Variants in STK17A observed in about 807,000 individuals in gnomAD.
The protein encoded by STK17A is serine/threonine kinase 17a.
Under a neutral mutation model 43.7 loss-of-function variants are expected in STK17A, and 26 were observed. The observed-to-expected ratio is 0.60, with a 90% CI of 0.44 to 0.83. The LOEUF is 0.83. Ranked by LOEUF, STK17A falls within the 40% of genes least tolerant of loss-of-function variation. The pLI, the probability that STK17A is intolerant of heterozygous loss-of-function variation, is 0.00. For synonymous variants in STK17A, 191 were observed against 182.5 expected (o/e 1.05, Z -0.38); for missense variants, 476 against 511.6 (o/e 0.93, Z 0.67).
At chr7:43,587,776 G>A (rs73104758) in intron 1 of STK17A, among the ~76,000 whole-genome samples, 24,813 of 151,396 alleles carry the variant, frequency 0.16, 3,217 homozygotes, top group Non-Finnish European at 0.23. Flanking sequence ...TTTACAAACA[G>A]TTTTGGGTAA....
rs1056727705 is a variant in STK17A at position 43,626,256 on chromosome 7, A to C, written c.*1414A>C. ...TGGTTTCTCAACTGTCAAAATCATG[A>C]AAATGACAGCACCTAACCACTATTT... On this transcript the variant is annotated 3_prime_UTR_variant, in exon 7 of 7. Coordinates refer to ENST00000319357, the MANE Select transcript of STK17A (RefSeq NM_004760.3). The C allele has an allele frequency of 6.6e-6, 1 of 152,250 alleles. No individual in the cohort carries two copies. The highest frequency in any genetic ancestry group is 2.1e-4 in the South Asian group (1 of 4,832). 9.4% of individuals were successfully genotyped at this position (152,250 alleles called of 1,614,324 possible).
intron 2 of STK17A, among the ~76,000 whole-genome samples, chr7:43,607,571 C>T (rs1161016709): frequency 1.3e-5 from 2 of 148,456 alleles, no homozygotes; most frequent in Non-Finnish European, 1.5e-5. Flanking sequence ...ATCGATTGAA[C>T]CCAGGAGGCG....
At position 43,624,887 on chromosome 7, in the gene STK17A, TTAA is replaced by T; in HGVS notation, c.*48_*50del. 6.7e-7 allele frequency: 1 copy of T among 1,491,072 alleles called. No homozygotes were observed. The highest frequency in any genetic ancestry group is 9.0e-7 in the Non-Finnish European group (1 of 1,108,504). The allele number at this position is 1,491,072 out of a possible 1,614,324, so 92.4% of individuals were successfully genotyped here. A position where few individuals can be genotyped will look rare whatever the true frequency, so the allele number is the denominator to read the frequency against. On this transcript the variant is annotated 3_prime_UTR_variant, in exon 7 of 7. Transcript: ENST00000319357. The stretch of plus-strand genomic sequence containing the variant: ...CTTCAAGATTTCTACATTGAAAATG[TTAA>T]TATTATTTATGGACCTCTGGCCAAA...
intron 2 of STK17A, among the ~76,000 whole-genome samples, chr7:43,599,940 G>C (rs1344035458): frequency 6.6e-6 from 1 of 152,076 alleles, no homozygotes; most frequent in Non-Finnish European, 1.5e-5. Context: ...AGAAAAATTG[G>C]TCCCAGCTCT....
At chr7:43,608,681 T>C (rs2082644460) in intron 3 of STK17A, 1 of 241,722 alleles carries the variant, frequency 4.1e-6, no homozygotes, top group East Asian at 8.5e-5. Context: ...AGTTAGGATT[T>C]AGATAAGTTG....
chr7:43,615,087 T>A (rs2083221701), intron 3 of STK17A, among the ~76,000 whole-genome samples: 1 of 152,236 alleles, frequency 6.6e-6, no homozygotes, highest in African/African-American at 2.4e-5. Flanking sequence ...CATTCAATTA[T>A]GAATATGTAT....
chr7:43,586,089 C>A (rs2082437181), intron 1 of STK17A, among the ~76,000 whole-genome samples: 1 of 151,612 alleles, frequency 6.6e-6, no homozygotes, highest in Non-Finnish European at 1.5e-5. Context: ...ACTCTGGTTG[C>A]ATTTCTGATA....
rs1171985847 is a variant in STK17A at position 43,627,060 on chromosome 7, A to G, written c.*2218A>G. ...AAGCTGTTAATGTTCCTTTTTTTCTATCACCAAATTTATAAAGGACTAAAC... is the reference window on the plus strand; with the variant it reads ...AAGCTGTTAATGTTCCTTTTTTTCTGTCACCAAATTTATAAAGGACTAAAC... On this transcript the variant is annotated 3_prime_UTR_variant, in exon 7 of 7. Coordinates refer to ENST00000319357, the MANE Select transcript of STK17A (RefSeq NM_004760.3). 6.6e-6 allele frequency among the ~76,000 whole-genome samples: 1 copy of G among 152,196 alleles called. No homozygotes were observed. The highest frequency in any genetic ancestry group is 1.5e-5 in the Non-Finnish European group (1 of 68,032).
intron 2 of STK17A, among the ~76,000 whole-genome samples, chr7:43,604,616 C>T (rs909800546): frequency 2.0e-5 from 3 of 152,090 alleles, no homozygotes; most frequent in Non-Finnish European, 4.4e-5. Context: ...AAAGATTTTC[C>T]TCTTTCTCAC....
chr7:43,587,977 C>G (rs977496985), intron 1 of STK17A, among the ~76,000 whole-genome samples: 1 of 151,572 alleles, frequency 6.6e-6, no homozygotes, highest in South Asian at 2.1e-4. Flanking sequence ...GAATTTTAAT[C>G]TTTTCATAAA....
intron 3 of STK17A, among the ~76,000 whole-genome samples, chr7:43,618,346 G>A (rs545938939): frequency 1.3e-4 from 20 of 152,282 alleles, no homozygotes; most frequent in African/African-American, 2.9e-4. Flanking sequence ...GGGAGAGGGC[G>A]TCCTGAACAA....
intron 2 of STK17A, among the ~76,000 whole-genome samples, chr7:43,598,133 G>A (rs1205187176): frequency 1.3e-5 from 2 of 151,974 alleles, no homozygotes; most frequent in Non-Finnish European, 2.9e-5. Flanking sequence ...TATACCGACA[G>A]TCACACAAAT....
At position 43,590,632 on chromosome 7, in the gene STK17A, G is replaced by A. The variant is rs146438969; in HGVS notation, c.207-5269G>A. Among the ~76,000 whole-genome samples, 311 of 151,478 alleles carry A rather than the reference G, an allele frequency of 2.1e-3. 5 individuals carry two copies. Among genetic ancestry groups the A allele is most frequent in the Non-Finnish European group, 3.1e-3 (209 of 67,602 alleles). On this transcript the variant is annotated intron_variant, in intron 1 of 6. Transcript: ENST00000319357. ...TGAAAAAATATACCTGAAAATTATG[G>A]CAACTGTTTATTCCAGGAAGAAGTT...
chr7:43,613,872 T>C (rs2083099318), intron 3 of STK17A, among the ~76,000 whole-genome samples: 1 of 152,160 alleles, frequency 6.6e-6, no homozygotes, highest in African/African-American at 2.4e-5. Context: ...CATTAATTTC[T>C]AAAAATTAAT....
At chr7:43,597,239 CA>C (rs2082522391) in intron 2 of STK17A, among the ~76,000 whole-genome samples, 1 of 152,026 alleles carries the variant, frequency 6.6e-6, no homozygotes, top group South Asian at 2.1e-4. Context: ...TCCAAAAAAT[CA>C]AAAACCCTAA....
At chr7:43,624,453 A>C in intron 6 of STK17A, 65 bp from the exon 7 acceptor site, 1 of 1,471,126 alleles carries the variant, frequency 6.8e-7, no homozygotes, top group Non-Finnish European at 9.1e-7. Flanking sequence ...TAAATACAGT[A>C]CCTTATGCTC....
intron 4 of STK17A, among the ~76,000 whole-genome samples, chr7:43,619,980 G>C (rs1358111954): frequency 6.6e-6 from 1 of 152,170 alleles, no homozygotes. Context: ...GAATAGGAGA[G>C]GATTTTCTTA....
rs967861004 is a variant in STK17A at position 43,626,718 on chromosome 7, T to C, written c.*1876T>C. On this transcript the variant is annotated 3_prime_UTR_variant, in exon 7 of 7. Coordinates refer to ENST00000319357, the MANE Select transcript of STK17A (RefSeq NM_004760.3). ...TGTACTTGATGGATCTGTCATCAAG[T>C]TTTAAAATCAGAATCATTTGGGCTT... The C allele has an allele frequency of 2.0e-5, 3 of 152,190 alleles. No homozygotes were observed. Among genetic ancestry groups the C allele is most frequent in the African/African-American group, 7.2e-5 (3 of 41,434 alleles). 9.4% of individuals were successfully genotyped at this position (152,190 alleles called of 1,614,324 possible).
intron 2 of STK17A, among the ~76,000 whole-genome samples, chr7:43,598,787 G>A (rs1262089116): frequency 1.0e-4 from 15 of 150,576 alleles, no homozygotes; most frequent in East Asian, 3.9e-4. Context: ...TTTTTGAGAC[G>A]GAGTCTTCCT....
Sources: gnomAD v4.1 joint callset for allele counts (sites outside exome capture counted in the v4.1 genomes callset) on GRCh38, gnomAD v4.1.1 for gene constraint, MANE v1.5 for transcripts, NCBI Gene and HGNC (gene_info 2026-07-23, HGNC 2026-07-21) for gene names.